The following SAG variants were observed in gnomAD, a reference collection of about 807,000 sequenced individuals.
SAG encodes the protein S-antigen visual arrestin.
SAG carries 45 observed loss-of-function variants against 55.0 expected under a neutral mutation model. That is an observed-to-expected ratio of 0.82 (90% CI 0.64 to 1.05). SAG has a LOEUF of 1.05. Among genes scored for constraint, SAG ranks in the 50% least tolerant of loss-of-function variants. The pLI is 0.00. For missense variants in SAG, 455 were observed against 512.1 expected (o/e 0.89, Z 1.08); for synonymous variants, 189 against 197.4 (o/e 0.96, Z 0.36).
chr2:233,319,922 G>A lies in SAG; in HGVS notation c.182-708G>A, dbSNP rs142588074. 2.2e-4 allele frequency: 220 copies of A among 985,452 alleles called. No individual in the cohort carries two copies. Among genetic ancestry groups the A allele is most frequent in the Non-Finnish European group, 2.4e-4 (197 of 829,938 alleles). 61.0% of individuals were successfully genotyped at this position (985,452 alleles called of 1,614,324 possible). On this transcript the variant is annotated intron_variant, in intron 4 of 15. Coordinates refer to ENST00000409110, the MANE Select transcript of SAG (RefSeq NM_000541.5). The surrounding 1 kb of genome is among the most constrained non-coding windows in gnomAD (Gnocchi z 4.4). ...CAGCTACCACGCACTTGGCGGGGCC[G>A]CCTCTCGTGCTTTATATTTGAGAAA...
rs1462642188 is a variant in SAG at position 233,309,152 on chromosome 2, A to G, written c.-28-10A>G. 8.3e-6 allele frequency: 13 copies of G among 1,570,930 alleles called. No homozygotes were observed. The highest frequency in any genetic ancestry group is 1.1e-5 in the South Asian group (1 of 89,600). ...TCTCCAACCCTCTAACACCTGACCA[A>G]CACCCCAAGGTGGTAGAAGTTGCCA... On this transcript the variant is annotated splice_polypyrimidine_tract_variant and intron_variant, in intron 1 of 15. Coordinates refer to ENST00000409110, the MANE Select transcript of SAG (RefSeq NM_000541.5).
chr2:233,320,794 G>A lies in SAG; in HGVS notation c.346G>A (p.Gly116Arg). The A allele has an allele frequency of 6.2e-7, 1 of 1,602,356 alleles. No homozygotes were observed. Among genetic ancestry groups the A allele is most frequent in the Non-Finnish European group, 8.5e-7 (1 of 1,174,498 alleles). Residue 116 changes from glycine to arginine, a missense_variant, in exon 5 of 16, where the codon GGG becomes AGG. Physicochemically the swap from Gly to Arg is moderately radical, Grantham distance 125. Coordinates refer to ENST00000409110, the MANE Select transcript of SAG (RefSeq NM_000541.5). Reference protein sequence around the residue: ...KLQESLLKKLGSNTYPFLLTF... With the variant: ...KLQESLLKKLRSNTYPFLLTF... ...GCAAGAGAGCCTGCTTAAAAAGCTG[G>A]GGAGCAACACGTACCCCTTTCTCCT...
At chr2:233,312,499 C>T (rs1256599758) in intron 2 of SAG, among the ~76,000 whole-genome samples, 2 of 152,172 alleles carry the variant, frequency 1.3e-5, no homozygotes, top group African/African-American at 4.8e-5. Context: ...GATAAGCACT[C>T]GAAATGCTAT....
intron 14 of SAG, chr2:233,343,725 C>G: frequency 8.3e-7 from 1 of 1,206,774 alleles, no homozygotes; most frequent in Admixed American, 3.7e-5. Flanking sequence ...GAAAGAAAAA[C>G]AGATCTGTCT....
chr2:233,330,414 CAG>C (rs1376577149), intron 9 of SAG, among the ~76,000 whole-genome samples: 1 of 152,098 alleles, frequency 6.6e-6, no homozygotes, highest in Non-Finnish European at 1.5e-5. Flanking sequence ...TGAGTCATCA[CAG>C]ATGAGGGTCA....
rs969983891 is a variant in SAG at position 233,320,017 on chromosome 2, A to G, written c.182-613A>G. Reference sequence around the variant, plus strand: ...AATTCTTCTGGTCTACTGGGCGCACACTTCAGGTCTGTTCAACAAGTAGAA... The same window carrying G: ...AATTCTTCTGGTCTACTGGGCGCACGCTTCAGGTCTGTTCAACAAGTAGAA... On this transcript the variant is annotated intron_variant, in intron 4 of 15. Transcript: ENST00000409110. 4 of 979,516 alleles carry G rather than the reference A, an allele frequency of 4.1e-6. No individual in the cohort carries two copies. The African/African-American group carries it at 7.0e-5, about 17-fold the overall frequency. The allele number at this position is 979,516 out of a possible 1,614,324, so 60.7% of individuals were successfully genotyped here. A position where few individuals can be genotyped will look rare whatever the true frequency, so the allele number is the denominator to read the frequency against.
chr2:233,333,902 A>G (rs1700846105), intron 10 of SAG: 1 of 152,198 alleles, frequency 6.6e-6, no homozygotes, highest in Non-Finnish European at 1.5e-5. Context: ...GAGGCAGGAT[A>G]GGGGACAGCT....
intron 6 of SAG, among the ~76,000 whole-genome samples, chr2:233,326,383 A>G (rs1350104413): frequency 2.6e-5 from 4 of 152,038 alleles, no homozygotes; most frequent in African/African-American, 9.7e-5. Flanking sequence ...TCAAGAGTTT[A>G]AGACCAGCCT....
At chr2:233,329,378 A>G in intron 8 of SAG, 115 bp from the exon 9 acceptor site, 1 of 705,544 alleles carries the variant, frequency 1.4e-6, no homozygotes, top group Non-Finnish European at 2.5e-6. Context: ...CATCTTCCTT[A>G]AATTCTGCCG....
At chr2:233,339,617 G>A (rs1323196445) in intron 12 of SAG, among the ~76,000 whole-genome samples, 1 of 150,146 alleles carries the variant, frequency 6.7e-6, no homozygotes, top group Non-Finnish European at 1.5e-5. Context: ...AGCAGTCAAG[G>A]AAAGCAACCA....
rs1216088410 is a variant in SAG at position 233,320,741 on chromosome 2, TG to T, written c.298del (p.Ala100ProfsTer25). The T allele has an allele frequency of 2.2e-5, 36 of 1,606,186 alleles. No individual in the cohort carries two copies. The highest frequency in any genetic ancestry group is 3.0e-5 in the Non-Finnish European group (35 of 1,176,592). On this transcript the variant is annotated frameshift_variant, in exon 5 of 16. Transcript: ENST00000409110. LOFTEE classifies it high-confidence loss of function. ...TCCCGGGTCCAGGTGTATCCTCCTGTGGGGGCCGCGAGCACCCCCACAAAAC... is the reference window on the plus strand; with the variant it reads ...TCCCGGGTCCAGGTGTATCCTCCTGTGGGGCCGCGAGCACCCCCACAAAAC... ...YFSRVQVYPPVGAASTPTKLQ... is the reference protein window; with the variant it reads ...YFSRVQVYPPXGAASTPTKLQ...
intron 6 of SAG, among the ~76,000 whole-genome samples, chr2:233,325,203 C>CAA (rs3085261): frequency 0.06 from 7,684 of 128,348 alleles, 260 homozygotes; most frequent in South Asian, 0.099. Flanking sequence ...GGCTCCATCT[C>CAA]AAAAAAAAAA....
rs199839554 is a variant in SAG, at chr2:233,328,490, A to C, written c.525A>C (p.Arg175=). The change falls in exon 8 of 16, where the codon CGA becomes CGC. Residue 175 remains arginine, a synonymous_variant. Transcript: ENST00000409110. The part of the protein sequence containing the change: ...EDKIPKKSSV[R]LLIRKVQHAP... ...CTGTTTCCCACAGGAGCTCCGTGCGATTACTGATCCGCAAAGTACAGCATG... is the reference window on the plus strand; with the variant it reads ...CTGTTTCCCACAGGAGCTCCGTGCGCTTACTGATCCGCAAAGTACAGCATG... 6.2e-7 allele frequency: 1 copy of C among 1,613,592 alleles called. No individual in the cohort carries two copies. Among genetic ancestry groups the C allele is most frequent in the Middle Eastern group, 1.7e-4 (1 of 6,060 alleles).
At position 233,329,522 on chromosome 2, in the gene SAG, G is replaced by T; in HGVS notation, c.678G>T (p.Val226=). Residue 226 remains valine (V), a synonymous_variant, in exon 9 of 16, where the codon GTG becomes GTT. Transcript: ENST00000409110. ...ATTTCCATGGGGAGCCCATCCCTGT[G>T]ACCGTGACTGTCACCAATAACACAG... ...EIYFHGEPIP[V]TVTVTNNTEK... The T allele has an allele frequency of 1.2e-6, 2 of 1,613,454 alleles. No individual in the cohort carries two copies. The highest frequency in any genetic ancestry group is 2.2e-5 in the South Asian group (2 of 91,050).
chr2:233,323,070 T>C, intron 6 of SAG, 65 bp downstream of exon 6: 1 of 1,045,330 alleles, frequency 9.6e-7, no homozygotes, highest in Non-Finnish European at 1.4e-6. Flanking sequence ...ACTTTTTTAT[T>C]GTTTTTGAAA....
chr2:233,341,575 G>A, intron 13 of SAG, among the ~76,000 whole-genome samples: 1 of 152,180 alleles, frequency 6.6e-6, no homozygotes, highest in Non-Finnish European at 1.5e-5. Flanking sequence ...ACTACGCTAA[G>A]TGAAAGAAAC....
intron 6 of SAG, among the ~76,000 whole-genome samples, chr2:233,324,852 A>G (rs1234319220): frequency 6.6e-6 from 1 of 152,226 alleles, no homozygotes; most frequent in Non-Finnish European, 1.5e-5. Flanking sequence ...GTCGCAGGGC[A>G]TCTGCGACAT....
Position 233,346,569 on chromosome 2 carries a change from G to A in SAG, c.1112+157G>A, listed in dbSNP as rs561099037. ...TTCCCGTCTGCTCCCTAGTGCTTAC[G>A]GCACGCACGCACCATTACACTGGGT... On this transcript the variant is annotated intron_variant, in intron 15 of 15. Transcript: ENST00000409110. Among the ~76,000 whole-genome samples, 4 of 152,258 alleles carry A rather than the reference G, an allele frequency of 2.6e-5. No individual in the cohort carries two copies. In the East Asian group the frequency reaches 5.8e-4, roughly 22 times the overall value.
intron 2 of SAG, among the ~76,000 whole-genome samples, chr2:233,315,763 C>T (rs1428034421): frequency 1.3e-5 from 2 of 149,930 alleles, no homozygotes; most frequent in Admixed American, 6.7e-5. Flanking sequence ...AGTGCAGTGG[C>T]GTGCTCTTGG....
Sources: allele counts gnomAD v4.1 joint callset (sites outside exome capture counted in the v4.1 genomes callset), GRCh38; gene constraint gnomAD v4.1.1; non-coding constraint Gnocchi (gnomAD v3.1); transcripts MANE v1.5; gene names NCBI Gene and HGNC (gene_info 2026-07-23, HGNC 2026-07-21).